DSE: variants seen among roughly 807,000 people sequenced by gnomAD.
DSE encodes the protein dermatan-sulfate epimerase.
Under a neutral mutation model 84.4 loss-of-function variants are expected in DSE, and 36 were observed. The observed-to-expected ratio is 0.43, with a 90% CI of 0.33 to 0.56. DSE has a LOEUF of 0.56. Among genes scored for constraint, DSE ranks in the 20% least tolerant of loss-of-function variants. DSE has a pLI of 0.06. For missense variants in DSE, 862 were observed against 1,169.6 expected, an observed-to-expected ratio of 0.74 and a Z score of 3.84; for synonymous variants, 410 against 430.1, an observed-to-expected ratio of 0.95 and a Z score of 0.58.
chr6:116,421,865 T>C (rs1783116591), intron 2 of DSE, among the ~76,000 whole-genome samples: 1 of 152,188 alleles, frequency 6.6e-6, no homozygotes, highest in Non-Finnish European at 1.5e-5. Flanking sequence ...ATGTGTTTTT[T>C]TGGTTGAAGT....
chr6:116,345,383 G>A (rs1777890256), intron 2 of DSE, among the ~76,000 whole-genome samples: 1 of 152,132 alleles, frequency 6.6e-6, no homozygotes, highest in South Asian at 2.1e-4. Flanking sequence ...GCACTCCTCA[G>A]CAAATGTAAA....
chr6:116,299,504 T>TATATATATATATATA lies in DSE; in HGVS notation c.-54+40537_-54+40538insATATATATATATATA, dbSNP rs1562213203. On this transcript the variant is annotated intron_variant, in intron 2 of 3. Transcript: ENST00000430252. ...TCCTGAAAGGCTTCTTGAATTATTT[T>TATATATATATATATA]TATATATATATATATATATATATAT... 2.6e-4 allele frequency among the ~76,000 whole-genome samples: 3 copies of TATATATATATATATA among 11,514 alleles called. 1 individual carries two copies. Among genetic ancestry groups the TATATATATATATATA allele is most frequent in the Non-Finnish European group, 7.0e-4 (3 of 4,276 alleles). The allele number at this position is 11,514 out of a possible 152,430, so 7.6% of individuals were successfully genotyped here.
intron 1 of DSE, among the ~76,000 whole-genome samples, chr6:116,372,275 T>C (rs1236383708): frequency 6.6e-6 from 1 of 152,160 alleles, no homozygotes; most frequent in Non-Finnish European, 1.5e-5. Flanking sequence ...GAGACCATCC[T>C]GGCTAACACG....
At chr6:116,257,349 G>A (rs1208211113) in intron 1 of DSE, 1 of 152,204 alleles carries the variant, frequency 6.6e-6, no homozygotes, top group Non-Finnish European at 1.5e-5. Context: ...TAATCTGACT[G>A]GAGAGCCTGT....
Position 116,424,311 on chromosome 6 carries a change from A to G in DSE, c.417-2263A>G, listed in dbSNP as rs1361601996. Among the ~76,000 whole-genome samples, 5 of 152,252 alleles carry G rather than the reference A, an allele frequency of 3.3e-5. No individual in the cohort carries two copies. The East Asian group carries it at 9.6e-4, about 29-fold the overall frequency. ...ATTCACACTCTCATAGTCTGTTTAC[A>G]AACAGTACACACACTGGCAAGCTGA... is the stretch of plus-strand genomic sequence containing the variant. On this transcript the variant is annotated intron_variant, in intron 2 of 5. Transcript: ENST00000644252.
rs545158427 is a variant in DSE at position 116,306,806 on chromosome 6, G to T, written c.-54+47839G>T. Among the ~76,000 whole-genome samples the T allele has an allele frequency of 2.6e-5, 4 of 152,260 alleles. No individual in the cohort carries two copies. In the East Asian group the frequency reaches 7.7e-4, roughly 29 times the overall value. On this transcript the variant is annotated intron_variant, in intron 2 of 3. Transcript: ENST00000430252. Reference sequence around the variant, plus strand: ...TATGGGGGCAGGACCCTAATGATGGGATTTGTGCCCTAAGAGCTCTCTTTG... The same window carrying T: ...TATGGGGGCAGGACCCTAATGATGGTATTTGTGCCCTAAGAGCTCTCTTTG...
At position 116,439,118 on chromosome 6, in the gene DSE, C is replaced by T. The variant is rs1784343475; in HGVS notation, c.*1773C>T. On this transcript the variant is annotated 3_prime_UTR_variant, in exon 6 of 6. Transcript: ENST00000644252. ...ACTTAACCTCACTCAACATTCCTCT[C>T]TTTTACTCTTTCTCACTCAAAAGGA... 2 of 152,090 alleles carry T rather than the reference C, an allele frequency of 1.3e-5. No individual in the cohort carries two copies. Among genetic ancestry groups the T allele is most frequent in the South Asian group, 4.1e-4 (2 of 4,832 alleles). The allele number at this position is 152,090 out of a possible 1,614,324, so 9.4% of individuals were successfully genotyped here.
chr6:116,369,746 A>T (rs1779392817), upstream of DSE: 1 of 400,610 alleles, frequency 2.5e-6, no homozygotes, highest in Non-Finnish European at 4.7e-6. Flanking sequence ...GTTTGTAAGG[A>T]GTTCCTCTTA....
chr6:116,280,109 A>C (rs941643295), intron 2 of DSE: 1 of 522,256 alleles, frequency 1.9e-6, no homozygotes, highest in African/African-American at 1.9e-5. Flanking sequence ...GATTGTGCTG[A>C]GTCTGGAAGC....
intron 2 of DSE, among the ~76,000 whole-genome samples, chr6:116,293,988 A>C (rs1774482072): frequency 6.6e-6 from 1 of 152,160 alleles, no homozygotes; most frequent in Non-Finnish European, 1.5e-5. Flanking sequence ...ACTAGCTAAT[A>C]GTTAATAAAT....
In DSE at chr6:116,433,542, A is replaced by C; in HGVS notation, c.1110A>C (p.Glu370Asp). The C allele has an allele frequency of 1.3e-6, 2 of 1,586,256 alleles. No homozygotes were observed. The highest frequency in any genetic ancestry group is 1.7e-6 in the Non-Finnish European group (2 of 1,164,568). The change falls in exon 5 of 6, where the codon GAA becomes GAC. Residue 370 changes from glutamate (E) to aspartate (D), a missense_variant. Physicochemically the swap from Glu to Asp is conservative, Grantham distance 45. This residue lies in a region of DSE where 309 missense variants were observed against 516.9 expected (regional missense o/e 0.60). Transcript: ENST00000644252. The stretch of plus-strand genomic sequence containing the variant: ...AGCGCTGGTGCACTCTGCACACAGA[A>C]TTTCTCTGGTATGACACATTGGGCT... ...KGQRWCTLHT[E>D]FLWYDGSLKS...
At chr6:116,345,814 A>G (rs1364054081) in intron 2 of DSE, among the ~76,000 whole-genome samples, 2 of 152,208 alleles carry the variant, frequency 1.3e-5, no homozygotes, top group East Asian at 3.8e-4. Flanking sequence ...CCTTCAAAAA[A>G]TCAATGAATC....
chr6:116,299,278 G>A (rs1055341061), intron 2 of DSE, among the ~76,000 whole-genome samples: 3 of 151,894 alleles, frequency 2.0e-5, no homozygotes, highest in African/African-American at 7.3e-5. Context: ...TCTAGTTAAT[G>A]TAGTTTTGTG....
At chr6:116,308,126 T>C (rs1410053481) in intron 2 of DSE, among the ~76,000 whole-genome samples, 2 of 152,236 alleles carry the variant, frequency 1.3e-5, no homozygotes, top group African/African-American at 4.8e-5. Flanking sequence ...ACTATAGCTC[T>C]GTGTTAACTA....
intron 2 of DSE, among the ~76,000 whole-genome samples, chr6:116,403,237 A>G (rs185156557): frequency 6.6e-6 from 1 of 152,244 alleles, no homozygotes; most frequent in East Asian, 1.9e-4. Context: ...TTTGCTAAGG[A>G]ACACACATTC....
rs577808736 is a variant in DSE, at chr6:116,346,451, A to G, written c.-53-52747A>G. Reference sequence around the variant, plus strand: ...CAAATGGGCTTCATCCCTGGGATACAAGGCTGGTTCAACATACACAAATCA... The same window carrying G: ...CAAATGGGCTTCATCCCTGGGATACGAGGCTGGTTCAACATACACAAATCA... On this transcript the variant is annotated intron_variant, in intron 2 of 3. Coordinates refer to the DSE transcript ENST00000430252. 1.7e-3 allele frequency among the ~76,000 whole-genome samples: 256 copies of G among 152,366 alleles called. 3 individuals are homozygous for G. The highest frequency in any genetic ancestry group is 5.4e-3 in the African/African-American group (224 of 41,590).
chr6:116,417,336 A>T (rs1344259809), intron 2 of DSE, among the ~76,000 whole-genome samples: 1 of 152,216 alleles, frequency 6.6e-6, no homozygotes, highest in Non-Finnish European at 1.5e-5. Flanking sequence ...AGATAATGAC[A>T]TGGAAATGCC....
At chr6:116,358,112 A>G (rs2858848) in intron 2 of DSE, among the ~76,000 whole-genome samples, 114,701 of 152,138 alleles carry the variant, frequency 0.75, 44,513 homozygotes, top group East Asian at 1. Flanking sequence ...GAAGGCAGGC[A>G]AGTCTTCTTT....
chr6:116,433,072 G>A, intron 4 of DSE: 1 of 434,170 alleles, frequency 2.3e-6, no homozygotes. Flanking sequence ...GGAAAATGAG[G>A]AAGGCAGGGA....
Sources: allele counts gnomAD v4.1 joint callset (sites outside exome capture counted in the v4.1 genomes callset), GRCh38; gene constraint gnomAD v4.1.1; regional missense constraint gnomAD v4.1.1; transcripts MANE v1.5; gene names NCBI Gene and HGNC (gene_info 2026-07-23, HGNC 2026-07-21).